Variants in OCA2 observed in about 807,000 individuals in gnomAD.
OCA2 encodes the protein P protein.
OCA2 carries 77 observed loss-of-function variants against 100.2 expected under a neutral mutation model. That is an observed-to-expected ratio of 0.77 (90% confidence interval 0.64 to 0.93). The LOEUF (loss-of-function observed/expected upper bound fraction) is 0.93, where lower values mean the gene tolerates loss of function less well. Among genes scored for constraint, OCA2 ranks in the 40% least tolerant of loss-of-function variants. The pLI is 0.00. For missense variants in OCA2, 1,062 were observed against 1,089.1 expected (o/e 0.98, Z 0.35); for synonymous variants, 432 against 439.2 (o/e 0.98, Z 0.21).
chr15:28,019,938 T>C (rs567499874), intron 6 of OCA2, among the ~76,000 whole-genome samples: 1 of 152,288 alleles, frequency 6.6e-6, no homozygotes, highest in South Asian at 2.1e-4. Flanking sequence ...CTGGGAACAC[T>C]GCCCTTTTCC....
At chr15:27,927,793 T>C (rs1276126701) in intron 18 of OCA2, among the ~76,000 whole-genome samples, 2 of 142,312 alleles carry the variant, frequency 1.4e-5, no homozygotes, top group African/African-American at 5.3e-5. Context: ...TCTTTTTTTT[T>C]TTTTTTTTTT....
chr15:27,870,270 C>T (rs756754457), intron 21 of OCA2, among the ~76,000 whole-genome samples: 1 of 152,240 alleles, frequency 6.6e-6, no homozygotes, highest in Non-Finnish European at 1.5e-5. Context: ...GAACAGAGGG[C>T]TCTCCCCTGT....
chr15:27,908,983 T>G (rs1437472083), intron 19 of OCA2, among the ~76,000 whole-genome samples: 2 of 152,170 alleles, frequency 1.3e-5, no homozygotes, highest in African/African-American at 4.8e-5. Context: ...AAGTAGACCT[T>G]TCTAAGCATG....
chr15:28,055,501 G>A (rs2043663370), intron 2 of OCA2, among the ~76,000 whole-genome samples: 2 of 152,188 alleles, frequency 1.3e-5, no homozygotes, highest in African/African-American at 2.4e-5. Flanking sequence ...TTTCACGTAG[G>A]TACTGAACAT....
downstream of OCA2, among the ~76,000 whole-genome samples, chr15:27,751,788 G>A (rs1414924255): frequency 6.6e-6 from 1 of 152,190 alleles, no homozygotes; most frequent in Non-Finnish European, 1.5e-5. Flanking sequence ...TGAAGTCCCT[G>A]CCTTCCTGTT....
chr15:27,859,414 TTAAC>T (rs2036053040), intron 21 of OCA2, among the ~76,000 whole-genome samples: 1 of 152,100 alleles, frequency 6.6e-6, no homozygotes, highest in Non-Finnish European at 1.5e-5. Flanking sequence ...ACAAATTGTG[TTAAC>T]TAAGTGAAAT....
intron 23 of OCA2, among the ~76,000 whole-genome samples, chr15:27,822,894 T>C (rs2034558588): frequency 6.6e-6 from 1 of 152,210 alleles, no homozygotes. Context: ...TTAAATATAG[T>C]CTGATCTTGT....
At chr15:27,983,301 A>C (rs1373169942) in intron 14 of OCA2, 44 bp downstream of exon 14, 1 of 1,612,226 alleles carries the variant, frequency 6.2e-7, no homozygotes, top group Non-Finnish European at 8.5e-7. Context: ...AACTAAGTGG[A>C]GGTGTGCGTT....
chr15:27,743,623 G>A, the OCA2 span, among the ~76,000 whole-genome samples: 5 of 152,276 alleles, frequency 3.3e-5, no homozygotes, highest in South Asian at 1.0e-3. Context: ...GGGGCCCAGG[G>A]AGGCCATGAA....
chr15:27,904,111 G>A (rs945703569), intron 19 of OCA2, among the ~76,000 whole-genome samples: 6 of 152,076 alleles, frequency 3.9e-5, no homozygotes, highest in Non-Finnish European at 2.9e-5. Context: ...CATAGCTCCC[G>A]TTCTCATTTC....
intron 23 of OCA2, among the ~76,000 whole-genome samples, chr15:27,834,720 G>T (rs1372359373): frequency 1.3e-5 from 2 of 152,190 alleles, no homozygotes; most frequent in Admixed American, 1.3e-4. Flanking sequence ...GTAAGGAGTA[G>T]AAAAAGCCAC....
chr15:28,053,613 G>A (rs1462912992), intron 2 of OCA2, among the ~76,000 whole-genome samples: 1 of 152,170 alleles, frequency 6.6e-6, no homozygotes, highest in Non-Finnish European at 1.5e-5. Context: ...CTGGGCTCTT[G>A]CTGATGAGGC....
chr15:28,096,076 G>A (rs548349528), intron 1 of OCA2, among the ~76,000 whole-genome samples: 1 of 151,970 alleles, frequency 6.6e-6, no homozygotes, highest in East Asian at 1.9e-4. Context: ...CCGGGGGCCT[G>A]GCTGCGTCTG....
chr15:27,970,488 T>C (rs1401101657), intron 14 of OCA2, among the ~76,000 whole-genome samples: 1 of 151,800 alleles, frequency 6.6e-6, no homozygotes, highest in Non-Finnish European at 1.5e-5. Context: ...CACGGCATGG[T>C]GGGAAAATAT....
chr15:27,831,416 G>A (rs894829612), intron 23 of OCA2, among the ~76,000 whole-genome samples: 4 of 152,086 alleles, frequency 2.6e-5, no homozygotes, highest in African/African-American at 9.7e-5. Context: ...GAGCAAAGGC[G>A]TCGACAGCGC....
At chr15:28,052,230 G>C (rs1466096) in intron 2 of OCA2, among the ~76,000 whole-genome samples, 20,010 of 152,140 alleles carry the variant, frequency 0.13, 2,214 homozygotes, top group African/African-American at 0.3. Context: ...CTTGTGAATC[G>C]AGAGTCCAAG....
intron 23 of OCA2, among the ~76,000 whole-genome samples, chr15:27,804,215 T>G (rs372426138): frequency 7.9e-5 from 12 of 152,222 alleles, no homozygotes; most frequent in African/African-American, 2.4e-4. Flanking sequence ...AGTACAATTT[T>G]CACCCAGGAA....
chr15:27,823,176 G>T (rs12438932), intron 23 of OCA2, among the ~76,000 whole-genome samples: 26 of 152,268 alleles, frequency 1.7e-4, no homozygotes, highest in Non-Finnish European at 5.9e-5. Context: ...GTTTGAGCCT[G>T]TTTCTGGGCT....
chr15:28,012,338 C>T (rs1292062491), intron 9 of OCA2, among the ~76,000 whole-genome samples: 5 of 152,112 alleles, frequency 3.3e-5, no homozygotes, highest in African/African-American at 7.2e-5. Context: ...TAGAACAAGC[C>T]GTGTAGGGAG....
Sources: allele counts gnomAD v4.1 joint callset (sites outside exome capture counted in the v4.1 genomes callset), GRCh38; gene constraint gnomAD v4.1.1; transcripts MANE v1.5; gene names NCBI Gene and HGNC (gene_info 2026-07-23, HGNC 2026-07-21).